Variants in ARHGAP24 observed in about 807,000 individuals in gnomAD.
ARHGAP24 encodes the protein rho GTPase-activating protein 24.
In ARHGAP24, 50 loss-of-function variants were observed where a neutral mutation model predicts 76.4. The ratio of observed to expected loss-of-function variants is 0.65; its 90% confidence interval spans 0.52 to 0.83. The LOEUF is 0.83. ARHGAP24 is among the 40% of genes least tolerant of loss of function. The probability of loss-of-function intolerance (pLI) is 0.00; values close to 1 mark genes in which losing one functional copy is unlikely to be tolerated. For missense variants in ARHGAP24, 930 were observed against 914.2 expected, an observed-to-expected ratio of 1.02 and a Z score of -0.22; for synonymous variants, 345 against 323.3, an observed-to-expected ratio of 1.07 and a Z score of -0.72.
intron 3 of ARHGAP24, among the ~76,000 whole-genome samples, chr4:85,870,883 A>G (rs1379879551): frequency 2.6e-5 from 4 of 152,132 alleles, no homozygotes; most frequent in African/African-American, 7.2e-5. Context: ...ACTCTGTTTT[A>G]GTGTTTACTG....
chr4:85,628,133 T>C (rs1721032549), intron 2 of ARHGAP24, among the ~76,000 whole-genome samples: 2 of 152,120 alleles, frequency 1.3e-5, no homozygotes, highest in South Asian at 2.1e-4. Context: ...GGTACCTCAA[T>C]TGGAAATGCA....
chr4:85,578,400 A>T (rs1035635495), intron 2 of ARHGAP24, among the ~76,000 whole-genome samples: 27 of 152,210 alleles, frequency 1.8e-4, no homozygotes, highest in African/African-American at 5.3e-4. Context: ...TCTTGCACAA[A>T]AAAAGATTGA....
At chr4:85,861,335 C>T (rs1440982660) in intron 3 of ARHGAP24, among the ~76,000 whole-genome samples, 1 of 152,094 alleles carries the variant, frequency 6.6e-6, no homozygotes, top group Admixed American at 6.6e-5. Context: ...AAATGCTATG[C>T]TGTGTGAACT....
intron 1 of ARHGAP24, among the ~76,000 whole-genome samples, chr4:85,507,403 G>A (rs1286697146): frequency 6.6e-6 from 1 of 151,986 alleles, no homozygotes; most frequent in Non-Finnish European, 1.5e-5. Flanking sequence ...ACTGGTATGT[G>A]GACTCTTTGA....
intron 3 of ARHGAP24, among the ~76,000 whole-genome samples, chr4:85,889,869 C>G (rs1300090156): frequency 6.6e-6 from 1 of 152,186 alleles, no homozygotes; most frequent in Non-Finnish European, 1.5e-5. Context: ...CATAAATCCT[C>G]TGAGTCCTGG....
intron 8 of ARHGAP24, among the ~76,000 whole-genome samples, chr4:85,985,057 G>A (rs1481305465): frequency 1.3e-5 from 2 of 152,086 alleles, no homozygotes; most frequent in African/African-American, 2.4e-5. Context: ...CCTGACCTCA[G>A]GTGATCTGCC....
At chr4:85,756,329 A>G (rs1040688769) in intron 3 of ARHGAP24, among the ~76,000 whole-genome samples, 2 of 152,244 alleles carry the variant, frequency 1.3e-5, no homozygotes, top group Non-Finnish European at 1.5e-5. Flanking sequence ...ATTATGATCC[A>G]TGCCTAATTT....
intron 2 of ARHGAP24, among the ~76,000 whole-genome samples, chr4:85,698,840 G>A (rs567227846): frequency 6.6e-6 from 1 of 152,270 alleles, no homozygotes; most frequent in East Asian, 1.9e-4. Context: ...CTGGAGGTGG[G>A]GCTGGGCAGG....
intron 1 of ARHGAP24, among the ~76,000 whole-genome samples, chr4:85,504,376 A>T (rs1443025947): frequency 6.6e-6 from 1 of 152,152 alleles, no homozygotes; most frequent in Admixed American, 6.5e-5. Context: ...GTCACTCAGG[A>T]CTTGCTTTAT....
In ARHGAP24 at chr4:85,711,365, T is replaced by C. The variant is rs984702806; in HGVS notation, c.181-10520T>C. Among the ~76,000 whole-genome samples the C allele has an allele frequency of 5.9e-5, 9 of 152,256 alleles. No homozygotes were observed. In the East Asian group the frequency reaches 1.5e-3, roughly 26 times the overall value. On this transcript the variant is annotated intron_variant, in intron 2 of 9. Transcript: ENST00000395184. ...CATGACAAACCCGGACACGTACCCCTGAACTTAAAACTTAAAAAATCAACC... is the reference window on the plus strand; with the variant it reads ...CATGACAAACCCGGACACGTACCCCCGAACTTAAAACTTAAAAAATCAACC...
chr4:85,606,434 A>T (rs1318434691), intron 2 of ARHGAP24, among the ~76,000 whole-genome samples: 1 of 151,864 alleles, frequency 6.6e-6, no homozygotes, highest in Non-Finnish European at 1.5e-5. Flanking sequence ...AATGGCGTGA[A>T]CTCAGGATGG....
At chr4:85,518,791 C>A (rs1335765259) in intron 1 of ARHGAP24, among the ~76,000 whole-genome samples, 1 of 152,112 alleles carries the variant, frequency 6.6e-6, no homozygotes, top group Non-Finnish European at 1.5e-5. Flanking sequence ...GTTGGTTCCA[C>A]AATTTTGCTA....
At chr4:85,737,274 TG>T (rs1351687878) in intron 3 of ARHGAP24, among the ~76,000 whole-genome samples, 1 of 152,158 alleles carries the variant, frequency 6.6e-6, no homozygotes, top group Non-Finnish European at 1.5e-5. Flanking sequence ...TTCAGCCCTT[TG>T]TTAACCTGTA....
At chr4:85,871,742 G>A (rs1233838445) in intron 3 of ARHGAP24, among the ~76,000 whole-genome samples, 1 of 152,012 alleles carries the variant, frequency 6.6e-6, no homozygotes, top group Non-Finnish European at 1.5e-5. Flanking sequence ...GCAACTGAGG[G>A]GCCTTGAAGC....
chr4:85,762,837 G>GT (rs1726782515), intron 3 of ARHGAP24, among the ~76,000 whole-genome samples: 1 of 152,074 alleles, frequency 6.6e-6, no homozygotes, highest in African/African-American at 2.4e-5. Context: ...TTTAACTAGC[G>GT]TAACTGTGAA....
At chr4:85,570,431 C>CTTTTT in intron 1 of ARHGAP24, 91 bp from the exon 2 acceptor site, 1 of 424,344 alleles carries the variant, frequency 2.4e-6, no homozygotes, top group South Asian at 4.6e-5. Flanking sequence ...CTCTCTCTCT[C>CTTTTT]TTTTTTTTTT....
intron 3 of ARHGAP24, among the ~76,000 whole-genome samples, chr4:85,881,801 G>A (rs1409219246): frequency 6.6e-6 from 1 of 152,070 alleles, no homozygotes; most frequent in African/African-American, 2.4e-5. Flanking sequence ...TTTGGTCCCT[G>A]CTCTAGGGGA....
intron 3 of ARHGAP24, among the ~76,000 whole-genome samples, chr4:85,850,094 G>C (rs1731133285): frequency 6.6e-6 from 1 of 151,966 alleles, no homozygotes; most frequent in African/African-American, 2.4e-5. Flanking sequence ...TTTTTTGGTT[G>C]GTAGGCTATT....
chr4:85,990,007 CTCTT>C (rs1032374526), intron 8 of ARHGAP24: 1 of 151,656 alleles, frequency 6.6e-6, no homozygotes, highest in Non-Finnish European at 1.5e-5. Flanking sequence ...ATGTAAAACT[CTCTT>C]TATTCACAGT....
Sources: gnomAD v4.1 joint callset for allele counts (sites outside exome capture counted in the v4.1 genomes callset) on GRCh38, gnomAD v4.1.1 for gene constraint, MANE v1.5 for transcripts, NCBI Gene and HGNC (gene_info 2026-07-23, HGNC 2026-07-21) for gene names.